The following USP45 variants were observed in gnomAD, a reference collection of about 807,000 sequenced individuals.
USP45 encodes ubiquitin specific peptidase 45, also known as ubiquitin carboxyl-terminal hydrolase 45.
USP45 carries 89 observed loss-of-function variants against 95.8 expected under a neutral mutation model. The ratio of observed to expected loss-of-function variants is 0.93; its 90% CI spans 0.78 to 1.11. The LOEUF is 1.11. USP45 is among the 50% of genes least tolerant of loss of function. The pLI is 0.00. For missense variants in USP45, 898 were observed against 942.5 expected (o/e 0.95, Z 0.62); for synonymous variants, 281 against 316.2 (o/e 0.89, Z 1.18).
intron 8 of USP45, among the ~76,000 whole-genome samples, chr6:99,480,652 G>A (rs1025890371): frequency 1.3e-5 from 2 of 150,410 alleles, no homozygotes; most frequent in Non-Finnish European, 3.0e-5. Context: ...CAACAAGAGC[G>A]AAACTCCGTC....
Position 99,435,829 on chromosome 6 carries a change from T to C in USP45, c.2332A>G (p.Asn778Asp), listed in dbSNP as rs1346920731. ...KNVPGLKAAD[N>D]ESAGQWVHVS... ...TGGACCCACTGGCCTGCTGATTCAT[T>C]ATCAGCCGCTTTCAAACCTAGCAAA... is the stretch of plus-strand genomic sequence containing the variant. Residue 778 changes from asparagine (N) to aspartate (D), a missense_variant, in exon 18 of 18, where the codon AAT becomes GAT. Coordinates refer to ENST00000500704, the MANE Select transcript of USP45 (RefSeq NM_001346022.3). 6.2e-7 allele frequency: 1 copy of C among 1,611,186 alleles called. No individual in the cohort carries two copies. Among genetic ancestry groups the C allele is most frequent in the Non-Finnish European group, 8.5e-7 (1 of 1,178,982 alleles).
intron 9 of USP45, among the ~76,000 whole-genome samples, chr6:99,468,970 T>C (rs553969722): frequency 1.3e-4 from 20 of 152,138 alleles, no homozygotes; most frequent in Non-Finnish European, 2.8e-4. Context: ...AAATGACACT[T>C]CTTAATTAGG....
chr6:99,492,521 T>A (rs1394188433), intron 5 of USP45, among the ~76,000 whole-genome samples: 1 of 151,434 alleles, frequency 6.6e-6, no homozygotes, highest in Non-Finnish European at 1.5e-5. Flanking sequence ...TGAGATAGAG[T>A]CTTGCTCTGT....
chr6:99,473,841 CAG>C (rs1025632356), intron 9 of USP45, among the ~76,000 whole-genome samples: 1 of 142,384 alleles, frequency 7.0e-6, no homozygotes, highest in African/African-American at 2.7e-5. Flanking sequence ...GCACACAGGA[CAG>C]AGACAATACA....
rs1366969880 is a variant in USP45, at chr6:99,482,795, C to T, written c.803G>A (p.Gly268Glu). Reference protein sequence around the residue: ...FLHSMKETEKGPLSPKVLFNQ... With the variant: ...FLHSMKETEKEPLSPKVLFNQ... ...AAAAAGAACTTTAGGAGAAAGTGGT[C>T]CTTTTTCAGTCTCCTTCATGCTGTG... The change falls in exon 8 of 18, where the codon GGA becomes GAA. Residue 268 changes from glycine (G) to glutamate (E), a missense_variant. Physicochemically the swap from Gly to Glu is moderately conservative, Grantham distance 98 (BLOSUM62 -2). Transcript: ENST00000500704. 1.9e-6 allele frequency: 3 copies of T among 1,605,454 alleles called. No individual in the cohort carries two copies. The highest frequency in any genetic ancestry group is 2.6e-6 in the Non-Finnish European group (3 of 1,175,458).
chr6:99,469,624 C>T (rs927972737), intron 9 of USP45, among the ~76,000 whole-genome samples: 1 of 151,386 alleles, frequency 6.6e-6, no homozygotes, highest in Non-Finnish European at 1.5e-5. Flanking sequence ...GGACTATAGG[C>T]ACACACCATG....
intron 5 of USP45, among the ~76,000 whole-genome samples, chr6:99,495,478 T>G (rs1796103641): frequency 6.6e-6 from 1 of 152,190 alleles, no homozygotes; most frequent in African/African-American, 2.4e-5. Flanking sequence ...GTATCTCCCT[T>G]AAATTGTCAC....
intron 9 of USP45, among the ~76,000 whole-genome samples, chr6:99,469,651 T>A (rs1386389383): frequency 6.6e-6 from 1 of 151,492 alleles, no homozygotes; most frequent in Non-Finnish European, 1.5e-5. Context: ...GGCTAATTTT[T>A]AAAAATTTTT....
intron 7 of USP45, 91 bp from the exon 8 acceptor site, chr6:99,482,974 C>G (rs930364382): frequency 1.2e-5 from 14 of 1,122,728 alleles, no homozygotes; most frequent in African/African-American, 1.6e-5. Context: ...TTAAATAACA[C>G]CAACTAAATT....
Position 99,456,134 on chromosome 6 carries a change from G to GAAAAAAA in USP45, c.1308+8463_1308+8469dup, listed in dbSNP as rs71021737. 3.4e-5 allele frequency among the ~76,000 whole-genome samples: 3 copies of GAAAAAAA among 89,524 alleles called. 1 individual carries two copies. The highest frequency in any genetic ancestry group is 2.6e-4 in the Admixed American group (2 of 7,794). The allele number at this position is 89,524 out of a possible 152,430, so 58.7% of individuals were successfully genotyped here. A position where few individuals can be genotyped will look rare whatever the true frequency, so the allele number is the denominator to read the frequency against. On this transcript the variant is annotated intron_variant, in intron 13 of 17. Transcript: ENST00000500704. Reference sequence around the variant, plus strand: ...GGCAACAGAGCGAGACTCTGTCTCGGAAAAAAAAAAAAAAAAAAAAAAAGA... The same window carrying GAAAAAAA: ...GGCAACAGAGCGAGACTCTGTCTCGGAAAAAAAAAAAAAAAAAAAAAAAAAAAAAAGA...
intron 11 of USP45, 27 bp from the exon 12 acceptor site, chr6:99,465,163 TCA>T (rs1413716025): frequency 3.2e-6 from 5 of 1,555,498 alleles, no homozygotes; most frequent in Non-Finnish European, 4.4e-6. Flanking sequence ...ATTGAAAACT[TCA>T]GTTAGAATTC....
At chr6:99,453,551 A>G (rs1203236490) in intron 13 of USP45, among the ~76,000 whole-genome samples, 1 of 152,250 alleles carries the variant, frequency 6.6e-6, no homozygotes, top group Non-Finnish European at 1.5e-5. Context: ...ATGCTCATGG[A>G]TCAGGAAAAT....
At position 99,449,289 on chromosome 6, in the gene USP45, G is replaced by A. The variant is rs181746556; in HGVS notation, c.1309-2826C>T. On this transcript the variant is annotated intron_variant, in intron 13 of 17. Transcript: ENST00000500704. ...TCAGGAGACCCATCTCACGTGCAGA[G>A]ACACACATAGACTCAAAATAAAAGG... Among the ~76,000 whole-genome samples the A allele has an allele frequency of 4.0e-3, 612 of 152,234 alleles. 4 individuals carry two copies. The highest frequency in any genetic ancestry group is 6.7e-3 in the Non-Finnish European group (459 of 68,030).
chr6:99,506,637 A>C (rs1410687632), intron 4 of USP45, among the ~76,000 whole-genome samples: 1 of 152,160 alleles, frequency 6.6e-6, no homozygotes, highest in Non-Finnish European at 1.5e-5. Flanking sequence ...CTGGATTTTT[A>C]CTTCATAACC....
chr6:99,483,310 G>C (rs1271835105), intron 7 of USP45, among the ~76,000 whole-genome samples: 3 of 152,080 alleles, frequency 2.0e-5, no homozygotes, highest in Non-Finnish European at 2.9e-5. Context: ...TACTAGTAAA[G>C]TAATAATGTG....
rs1459237900 is a variant in USP45 at position 99,486,632 on chromosome 6, TA to T, written c.714+1567del. On this transcript the variant is annotated intron_variant, in intron 7 of 17. Transcript: ENST00000500704. ...TATATAAAAAGGAGGTTATTATATA[TA>T]TATAACAGTATGTTATATATATAAT... Among the ~76,000 whole-genome samples, 3 of 150,720 alleles carry T rather than the reference TA, an allele frequency of 2.0e-5. No individual in the cohort carries two copies. The Admixed American group carries it at 2.0e-4, about 10-fold the overall frequency.
At chr6:99,478,091 G>A (rs376390047) in intron 8 of USP45, among the ~76,000 whole-genome samples, 3 of 152,238 alleles carry the variant, frequency 2.0e-5, no homozygotes, top group East Asian at 3.9e-4. Context: ...AGACACACAA[G>A]GAGGAAATCA....
chr6:99,437,657 TTCTC>T (rs979329133), intron 16 of USP45, among the ~76,000 whole-genome samples: 3 of 151,860 alleles, frequency 2.0e-5, no homozygotes, highest in Admixed American at 6.6e-5. Flanking sequence ...GTTTCTTTTT[TTCTC>T]TCTCTCTTTT....
intron 2 of USP45, 50 bp downstream of exon 2, chr6:99,510,071 A>G: frequency 7.1e-7 from 1 of 1,401,002 alleles, no homozygotes; most frequent in South Asian, 1.2e-5. Flanking sequence ...GGTCAACTGC[A>G]TTGTTATTTC....
Sources: gnomAD v4.1 joint callset for allele counts (sites outside exome capture counted in the v4.1 genomes callset) on GRCh38, gnomAD v4.1.1 for gene constraint, MANE v1.5 for transcripts, NCBI Gene and HGNC (gene_info 2026-07-23, HGNC 2026-07-21) for gene names.